The following FBXL16 variants were observed in gnomAD, a reference collection of about 807,000 sequenced individuals.
The protein encoded by FBXL16 is F-box/LRR-repeat protein 16.
FBXL16 carries 7 observed loss-of-function variants against 36.7 expected under a neutral mutation model. The ratio of observed to expected loss-of-function variants is 0.19; its 90% CI spans 0.11 to 0.36. The LOEUF is 0.36. FBXL16 is among the 10% of genes least tolerant of loss of function. FBXL16 has a pLI of 1.00. For synonymous variants in FBXL16, 355 were observed against 308.7 expected (o/e 1.15, Z -1.57); for missense variants, 463 against 659.4 (o/e 0.70, Z 3.26).
chr16:696,923 C>G lies in FBXL16; in HGVS notation c.483G>C (p.Gln161His). ...PGGEKEFVNLQGFAARGFEGF... is the reference protein window; with the variant it reads ...PGGEKEFVNLHGFAARGFEGF... ...CCTCGAAGCCTCTGGCGGCAAAACC[C>G]TGCAGGTTCACGAACTCCTTCTCGC... The change falls in exon 2 of 6, where the codon CAG becomes CAC. Residue 161 changes from glutamine to histidine, a missense_variant. Physicochemically the swap from Gln to His is conservative, Grantham distance 24. Around this residue, in one of 3 missense-constraint regions of FBXL16, gnomAD observed 263 missense variants for 341.1 expected, o/e 0.77. Coordinates refer to ENST00000397621, the MANE Select transcript of FBXL16 (RefSeq NM_153350.4). The G allele has an allele frequency of 6.2e-7, 1 of 1,608,510 alleles. No homozygotes were observed. Among genetic ancestry groups the G allele is most frequent in the Middle Eastern group, 1.7e-4 (1 of 6,048 alleles).
At chr16:696,286 C>T (rs1178601927) in intron 2 of FBXL16, among the ~76,000 whole-genome samples, 1 of 152,018 alleles carries the variant, frequency 6.6e-6, no homozygotes, top group Non-Finnish European at 1.5e-5. Flanking sequence ...CAGAGCCTTA[C>T]TCTGTTGCCC....
Position 698,186 on chromosome 16 carries a change from A to G in FBXL16, c.-14-767T>C, listed in dbSNP as rs185816193. Among the ~76,000 whole-genome samples the G allele has an allele frequency of 1.9e-4, 29 of 151,980 alleles. No homozygotes were observed. In the South Asian group the frequency reaches 2.7e-3, roughly 14 times the overall value. The stretch of plus-strand genomic sequence containing the variant: ...ACCCGGCTAATTTTGTATTTTTAGT[A>G]GAGATGGGGTTTCTCCATGTTGGTC... On this transcript the variant is annotated intron_variant, in intron 1 of 5. Transcript: ENST00000397621.
At chr16:701,124 G>A (rs936683646) in intron 1 of FBXL16, among the ~76,000 whole-genome samples, 3 of 152,170 alleles carry the variant, frequency 2.0e-5, no homozygotes, top group Admixed American at 6.5e-5. Flanking sequence ...GTTTGCCGGC[G>A]CCCACAGTCC....
Position 703,179 on chromosome 16 carries a change from CTGGGCTA to C in FBXL16, c.-15+2326_-15+2332del, listed in dbSNP as rs1459212633. Among the ~76,000 whole-genome samples, 14 of 152,354 alleles carry C rather than the reference CTGGGCTA, an allele frequency of 9.2e-5. No individual in the cohort carries two copies. The South Asian group carries it at 2.9e-3, about 32-fold the overall frequency. ...GGTCTCGATGCCTTCCTGCTGGGCC[CTGGGCTA>C]GTGGTCTCTCCAAGTACTGCCCTCA... On this transcript the variant is annotated intron_variant, in intron 1 of 5. Coordinates refer to ENST00000397621, the MANE Select transcript of FBXL16 (RefSeq NM_153350.4).
chr16:694,937 C>T, intron 4 of FBXL16, 55 bp downstream of exon 4: 2 of 1,471,578 alleles, frequency 1.4e-6, no homozygotes, highest in Non-Finnish European at 9.1e-7. Flanking sequence ...GGGAGCTCTC[C>T]CCGCGCCCCC....
At position 695,036 on chromosome 16, in the gene FBXL16, T is replaced by C; in HGVS notation, c.1183A>G (p.Thr395Ala). 6.3e-7 allele frequency: 1 copy of C among 1,587,532 alleles called. No individual in the cohort carries two copies. The highest frequency in any genetic ancestry group is 8.6e-7 in the Non-Finnish European group (1 of 1,163,676). Residue 395 changes from threonine to alanine, a missense_variant, in exon 4 of 6, where the codon ACC becomes GCC. Physicochemically the swap from Thr to Ala is moderately conservative, Grantham distance 58. Coordinates refer to ENST00000397621, the MANE Select transcript of FBXL16 (RefSeq NM_153350.4). Reference sequence around the variant, plus strand: ...TAGAGGCTGCGGAGGGACGACATGGTGGACAGATAGCTGAGGCCAGTGTCC... The same window carrying C: ...TAGAGGCTGCGGAGGGACGACATGGCGGACAGATAGCTGAGGCCAGTGTCC... ...ITDTGLSYLS[T>A]MSSLRSLYLR...
rs2040000708 is a variant in FBXL16, at chr16:695,166, C to T, written c.1143-90G>A. Reference sequence around the variant, plus strand: ...CTGGGAGTGCCCCTGGCGTGAATCCCTTCCTGCCCCACCCGGAGCAGCCGC... The same window carrying T: ...CTGGGAGTGCCCCTGGCGTGAATCCTTTCCTGCCCCACCCGGAGCAGCCGC... On this transcript the variant is annotated intron_variant, in intron 3 of 5. Coordinates refer to ENST00000397621, the MANE Select transcript of FBXL16 (RefSeq NM_153350.4). 2.9e-6 allele frequency: 4 copies of T among 1,367,284 alleles called. No individual in the cohort carries two copies. The South Asian group carries it at 5.2e-5, about 18-fold the overall frequency. 84.7% of individuals were successfully genotyped at this position (1,367,284 alleles called of 1,614,324 possible). A position where few individuals can be genotyped will look rare whatever the true frequency, so the allele number is the denominator to read the frequency against.
Position 697,482 on chromosome 16 carries a change from G to T in FBXL16, c.-14-63C>A. Reference sequence around the variant, plus strand: ...CTGAGTCTGGAAGGCCGGGGTTGGGGGCGGGTGCAGTGGGGCTCCTTCCCT... The same window carrying T: ...CTGAGTCTGGAAGGCCGGGGTTGGGTGCGGGTGCAGTGGGGCTCCTTCCCT... On this transcript the variant is annotated intron_variant, in intron 1 of 5. Transcript: ENST00000397621. This position sits in a 1 kb window ranked among gnomAD's most constrained non-coding sequence, Gnocchi z 4.6. 1 of 1,469,618 alleles carries T rather than the reference G, an allele frequency of 6.8e-7. No individual in the cohort carries two copies. Among genetic ancestry groups the T allele is most frequent in the Non-Finnish European group, 9.0e-7 (1 of 1,111,478 alleles). The allele number at this position is 1,469,618 out of a possible 1,614,324, so 91.0% of individuals were successfully genotyped here. A position where few individuals can be genotyped will look rare whatever the true frequency, so the allele number is the denominator to read the frequency against.
At position 695,228 on chromosome 16, in the gene FBXL16, G is replaced by C. The variant is rs759605850; in HGVS notation, c.1143-152C>G. The C allele has an allele frequency of 4.3e-6, 5 of 1,153,358 alleles. 1 individual carries two copies. The South Asian group carries it at 8.0e-5, about 18-fold the overall frequency. 71.4% of individuals were successfully genotyped at this position (1,153,358 alleles called of 1,614,324 possible). On this transcript the variant is annotated intron_variant, in intron 3 of 5. Transcript: ENST00000397621. The stretch of plus-strand genomic sequence containing the variant: ...CGCTCCCACCCACCGGGAAGGACGG[G>C]GGTCCAGCCAACCCGTGCTGCGGTT...
Position 694,436 on chromosome 16 carries a change from C to G in FBXL16, c.1292-13G>C. ...AGCAGCGGGCAGCCTGCGGCGGGGT[C>G]AGAGGGCGGCTCAGTGCGCGCGGCC... is the stretch of plus-strand genomic sequence containing the variant. On this transcript the variant is annotated splice_polypyrimidine_tract_variant and intron_variant, in intron 5 of 5. Coordinates refer to ENST00000397621, the MANE Select transcript of FBXL16 (RefSeq NM_153350.4). The G allele has an allele frequency of 6.5e-7, 1 of 1,537,430 alleles. No individual in the cohort carries two copies. The highest frequency in any genetic ancestry group is 8.7e-7 in the Non-Finnish European group (1 of 1,150,164).
At position 695,574 on chromosome 16, in the gene FBXL16, G is replaced by C; in HGVS notation, c.983C>G (p.Ser328Trp). ...GTCGTCGGTGACCTTGGAGCAGCCC[G>C]AGAGGCTGAGCGCGGTGAGGTTGGG... ...SLPNLTALSL[S>W]GCSKVTDDGV... The change falls in exon 3 of 6, where the codon TCG becomes TGG. Residue 328 changes from serine to tryptophan, a missense_variant. By Grantham distance (177) the Ser-to-Trp change is radical (BLOSUM62 -3). Around this residue, in one of 3 missense-constraint regions of FBXL16, gnomAD observed 66 missense variants for 146.3 expected, o/e 0.45. Transcript: ENST00000397621. The C allele has an allele frequency of 6.2e-7, 1 of 1,605,068 alleles. No homozygotes were observed. The highest frequency in any genetic ancestry group is 8.5e-7 in the Non-Finnish European group (1 of 1,179,018).
intron 1 of FBXL16, among the ~76,000 whole-genome samples, chr16:704,137 C>T (rs1165539620): frequency 2.0e-5 from 3 of 152,216 alleles, no homozygotes; most frequent in Non-Finnish European, 4.4e-5. Flanking sequence ...ATGGGGTCTT[C>T]GGGTGGCTGA....
intron 3 of FBXL16, 147 bp from the exon 4 acceptor site, chr16:695,223 G>A (rs2040001139): frequency 8.6e-7 from 1 of 1,161,768 alleles, no homozygotes. Flanking sequence ...CACCGGGAAG[G>A]ACGGGGGTCC....
chr16:694,541 G>A lies in FBXL16; in HGVS notation c.1291+93C>T, dbSNP rs546115536. 6 of 1,516,438 alleles carry A rather than the reference G, an allele frequency of 4.0e-6. No individual in the cohort carries two copies. In the African/African-American group the frequency reaches 4.1e-5, roughly 10 times the overall value. 93.9% of individuals were successfully genotyped at this position (1,516,438 alleles called of 1,614,324 possible). Reference sequence around the variant, plus strand: ...CCGGGACTGTGTGTCCGCGCCGGGTGTGAGTTTGCACAAGGACCGGGCAGG... The same window carrying A: ...CCGGGACTGTGTGTCCGCGCCGGGTATGAGTTTGCACAAGGACCGGGCAGG... On this transcript the variant is annotated intron_variant, in intron 5 of 5. Coordinates refer to ENST00000397621, the MANE Select transcript of FBXL16 (RefSeq NM_153350.4).
chr16:701,899 AAG>A (rs1178362187), intron 1 of FBXL16, among the ~76,000 whole-genome samples: 1 of 152,142 alleles, frequency 6.6e-6, no homozygotes, highest in African/African-American at 2.4e-5. Context: ...CCCCAGGGGA[AAG>A]AGAGAGAGGT....
intron 1 of FBXL16, among the ~76,000 whole-genome samples, chr16:700,436 G>T (rs546112143): frequency 7.2e-5 from 11 of 152,230 alleles, no homozygotes; most frequent in Admixed American, 6.5e-4. Context: ...CGTTTGCAAG[G>T]GCCGGCTGGG....
rs75619896 is a variant in FBXL16, at chr16:697,999, CAA to C, written c.-14-582_-14-581del. Among the ~76,000 whole-genome samples, 12 of 133,272 alleles carry C rather than the reference CAA, an allele frequency of 9.0e-5. No homozygotes were observed. Among genetic ancestry groups the C allele is most frequent in the Non-Finnish European group, 9.8e-5 (6 of 61,146 alleles). 87.4% of individuals were successfully genotyped at this position (133,272 alleles called of 152,430 possible). On this transcript the variant is annotated intron_variant, in intron 1 of 5. Coordinates refer to ENST00000397621, the MANE Select transcript of FBXL16 (RefSeq NM_153350.4). The surrounding 1 kb of genome is among the most constrained non-coding windows in gnomAD (Gnocchi z 4.6). ...TGGGCAACTGAGCAAGACTCTGTCT[CAA>C]AAAAAAAAAAAAGAAACAGTTTCAC... is the stretch of plus-strand genomic sequence containing the variant.
chr16:694,511 C>T (rs2039995430), intron 5 of FBXL16, 88 bp from the exon 6 acceptor site: 2 of 1,500,290 alleles, frequency 1.3e-6, no homozygotes, highest in Admixed American at 4.1e-5. Flanking sequence ...TCCTCCGCCT[C>T]GGACCCGGGA....
intron 1 of FBXL16, among the ~76,000 whole-genome samples, chr16:700,213 C>T (rs1427076233): frequency 3.3e-5 from 5 of 152,150 alleles, no homozygotes; most frequent in Non-Finnish European, 7.4e-5. Flanking sequence ...ACGTGGCCCT[C>T]GTGGCTGAGA....
Sources: allele counts gnomAD v4.1 joint callset (sites outside exome capture counted in the v4.1 genomes callset), GRCh38; gene constraint gnomAD v4.1.1; regional missense constraint gnomAD v4.1.1; non-coding constraint Gnocchi (gnomAD v3.1); transcripts MANE v1.5; gene names NCBI Gene and HGNC (gene_info 2026-07-23, HGNC 2026-07-21).